VPS53: variants seen among roughly 807,000 people sequenced by gnomAD.
VPS53 encodes the protein vacuolar protein sorting-associated protein 53 homolog.
A neutral mutation model predicts 107.0 loss-of-function variants in VPS53; 70 were observed. The ratio of observed to expected loss-of-function variants is 0.65; its 90% confidence interval spans 0.54 to 0.80. The LOEUF is 0.80. Among genes scored for constraint, VPS53 ranks in the 30% least tolerant of loss-of-function variants. The pLI is 0.00. For synonymous variants in VPS53, 409 were observed against 393.3 expected (o/e 1.04, Z -0.47); for missense variants, 917 against 1,049.4 (o/e 0.87, Z 1.74).
rs903487149 is a variant in VPS53, at chr17:640,861, G to GT, written c.609-9234dup. 2.8e-3 allele frequency among the ~76,000 whole-genome samples: 416 copies of GT among 148,674 alleles called. 2 individuals are homozygous for GT. The highest frequency in any genetic ancestry group is 2.8e-3 in the Admixed American group (42 of 14,872). On this transcript the variant is annotated intron_variant, in intron 7 of 21. Coordinates refer to ENST00000437048, the MANE Select transcript of VPS53 (RefSeq NM_001128159.3). The stretch of plus-strand genomic sequence containing the variant: ...GTTTCCAACAGCAGTTTTTTTCTTT[G>GT]TTTTTTTTTTGAGACGAAGTCTCAC...
intron 19 of VPS53, among the ~76,000 whole-genome samples, chr17:531,772 T>TC (rs1909575158): frequency 8.6e-6 from 1 of 116,240 alleles, no homozygotes; most frequent in African/African-American, 4.2e-5. Flanking sequence ...TGGGATTTAT[T>TC]CTTTTTTTTT....
At position 521,719 on chromosome 17, in the gene VPS53, G is replaced by A. The variant is rs1908767765; in HGVS notation, c.2105C>T (p.Ser702Leu). Residue 702 changes from serine to leucine, a missense_variant, in exon 20 of 22, where the codon TCG becomes TTG. Transcript: ENST00000437048. ...GAGATCGAGCAGGACCATCTTCAGCGAGTGGGTGTCCAGCAGCAGCTGTGG... is the reference window on the plus strand; with the variant it reads ...GAGATCGAGCAGGACCATCTTCAGCAAGTGGGTGTCCAGCAGCAGCTGTGG... ...GAEQLLLDTH[S>L]LKMVLLDLPS... is the part of the protein sequence containing the mutation. 3 of 1,546,570 alleles carry A rather than the reference G, an allele frequency of 1.9e-6. No homozygotes were observed. Among genetic ancestry groups the A allele is most frequent in the African/African-American group, 2.7e-5 (2 of 72,894 alleles).
intron 11 of VPS53, among the ~76,000 whole-genome samples, chr17:619,023 A>AC (rs1969313357): frequency 1.4e-5 from 2 of 144,274 alleles, no homozygotes; most frequent in African/African-American, 2.6e-5. Flanking sequence ...CTGGGACTAC[A>AC]GGCGCACACC....
At chr17:593,814 T>C (rs1329955413) in intron 12 of VPS53, among the ~76,000 whole-genome samples, 1 of 152,202 alleles carries the variant, frequency 6.6e-6, no homozygotes, top group Non-Finnish European at 1.5e-5. Context: ...ACTGGGTATA[T>C]ACCCAAAGGA....
intron 19 of VPS53, among the ~76,000 whole-genome samples, chr17:525,040 A>C (rs1909028471): frequency 6.6e-6 from 1 of 152,250 alleles, no homozygotes; most frequent in African/African-American, 2.4e-5. Flanking sequence ...GTCCATTGAC[A>C]GTGGAATGAA....
chr17:662,853 G>GGAAGGAAGGAAGGAAGGAAC (rs1320180539), intron 4 of VPS53, among the ~76,000 whole-genome samples: 14 of 90,500 alleles, frequency 1.5e-4, no homozygotes, highest in East Asian at 1.1e-3. Context: ...AAGGAAGGAA[G>GGAAGGAAGGAAGGAAGGAAC]GAAGGAAGGA....
intron 4 of VPS53, among the ~76,000 whole-genome samples, chr17:694,936 C>T (rs186729193): frequency 1.9e-4 from 29 of 152,288 alleles, no homozygotes; most frequent in Non-Finnish European, 3.7e-4. Flanking sequence ...AACTCCTGGC[C>T]TCAAGTCATC....
At chr17:551,725 T>G in intron 17 of VPS53, 147 bp downstream of exon 17, 1 of 557,688 alleles carries the variant, frequency 1.8e-6, no homozygotes, top group Non-Finnish European at 3.0e-6. Flanking sequence ...ACTAACTGAG[T>G]GCTTTCAGGA....
chr17:520,082 C>T lies in VPS53; in HGVS notation c.2224-152G>A, dbSNP rs1029659818. On this transcript the variant is annotated intron_variant, in intron 20 of 21. Coordinates refer to ENST00000437048, the MANE Select transcript of VPS53 (RefSeq NM_001128159.3). This position sits in a 1 kb window ranked among gnomAD's most constrained non-coding sequence, Gnocchi z 4.4. ...ACTCACTCCTCACTTGCCCGCCGAG[C>T]GCTAAATGGATTCTGAGAGGTTTCC... is the stretch of plus-strand genomic sequence containing the variant. Among the ~76,000 whole-genome samples the T allele has an allele frequency of 6.6e-6, 1 of 152,260 alleles. No individual in the cohort carries two copies. Among genetic ancestry groups the T allele is most frequent in the Non-Finnish European group, 1.5e-5 (1 of 68,014 alleles).
intron 17 of VPS53, among the ~76,000 whole-genome samples, chr17:548,931 T>A (rs1169005225): frequency 6.6e-6 from 1 of 152,210 alleles, no homozygotes; most frequent in African/African-American, 2.4e-5. Context: ...CTTCTTTGCC[T>A]CCCCACCTGG....
At chr17:548,027 G>A (rs1420476017) in intron 17 of VPS53, among the ~76,000 whole-genome samples, 3 of 152,150 alleles carry the variant, frequency 2.0e-5, no homozygotes, top group Non-Finnish European at 2.9e-5. Context: ...TTGGGCAGAC[G>A]ATAGCAGGAA....
intron 13 of VPS53, among the ~76,000 whole-genome samples, chr17:583,160 C>T (rs1967134972): frequency 1.3e-5 from 2 of 150,114 alleles, no homozygotes; most frequent in African/African-American, 4.9e-5. Flanking sequence ...GAACCTAATG[C>T]GTTCCCAAAG....
At chr17:548,429 TG>T (rs2151832598) in intron 17 of VPS53, among the ~76,000 whole-genome samples, 3 of 149,256 alleles carry the variant, frequency 2.0e-5, no homozygotes, top group Non-Finnish European at 3.0e-5. Flanking sequence ...ACAGTCCTTC[TG>T]GAAATATCCA....
At chr17:702,338 G>A (rs1973231344) in intron 2 of VPS53, among the ~76,000 whole-genome samples, 1 of 151,962 alleles carries the variant, frequency 6.6e-6, no homozygotes, top group South Asian at 2.1e-4. Flanking sequence ...TGGGTGATGG[G>A]TGACAATCTC....
chr17:636,130 T>G (rs1357133832), intron 7 of VPS53, among the ~76,000 whole-genome samples: 4 of 152,156 alleles, frequency 2.6e-5, no homozygotes, highest in Non-Finnish European at 5.9e-5. Flanking sequence ...GTAAGTTGGA[T>G]TCCTAGGATT....
rs191561592 is a variant in VPS53 at position 574,534 on chromosome 17, G to A, written c.1313+11736C>T. On this transcript the variant is annotated intron_variant, in intron 13 of 21. Coordinates refer to ENST00000437048, the MANE Select transcript of VPS53 (RefSeq NM_001128159.3). ...AATCCCAGCACTTTGGGAGGTGGAG[G>A]TGGGCTGACCTCTTAAGCCCAGGAG... 2.6e-3 allele frequency among the ~76,000 whole-genome samples: 393 copies of A among 152,286 alleles called. 1 individual carries two copies. Among genetic ancestry groups the A allele is most frequent in the Non-Finnish European group, 1.5e-3 (105 of 68,022 alleles).
At chr17:687,796 C>A (rs1167461024) in intron 4 of VPS53, among the ~76,000 whole-genome samples, 1 of 152,168 alleles carries the variant, frequency 6.6e-6, no homozygotes, top group East Asian at 1.9e-4. Flanking sequence ...TCTAATCCCC[C>A]CTAACCCTGA....
chr17:573,648 T>C (rs1914363722), intron 13 of VPS53, among the ~76,000 whole-genome samples: 1 of 152,096 alleles, frequency 6.6e-6, no homozygotes, highest in Non-Finnish European at 1.5e-5. Flanking sequence ...CCACCTCTTC[T>C]CCTCCTCGCC....
At chr17:657,653 G>A (rs553146163) in intron 5 of VPS53, 4 of 586,724 alleles carry the variant, frequency 6.8e-6, no homozygotes, top group South Asian at 3.9e-5. Flanking sequence ...TGGAAGGAAG[G>A]GAGTGCCCTG....
Sources: allele counts gnomAD v4.1 joint callset (sites outside exome capture counted in the v4.1 genomes callset), GRCh38; gene constraint gnomAD v4.1.1; non-coding constraint Gnocchi (gnomAD v3.1); transcripts MANE v1.5; gene names NCBI Gene and HGNC (gene_info 2026-07-23, HGNC 2026-07-21).